Variants in SLC4A4 observed in about 807,000 individuals in gnomAD.
The protein encoded by SLC4A4 is electrogenic sodium bicarbonate cotransporter 1.
SLC4A4 carries 27 observed loss-of-function variants against 111.5 expected under a neutral mutation model. The ratio of observed to expected loss-of-function variants is 0.24; its 90% CI spans 0.18 to 0.33. SLC4A4 has a LOEUF of 0.33. SLC4A4 is among the 10% of genes least tolerant of loss of function. SLC4A4 has a pLI of 1.00. For missense variants in SLC4A4, 909 were observed against 1,315.5 expected, an observed-to-expected ratio of 0.69 and a Z score of 4.78; for synonymous variants, 443 against 463.4, an observed-to-expected ratio of 0.96 and a Z score of 0.57.
intron 1 of SLC4A4, among the ~76,000 whole-genome samples, chr4:71,088,685 A>T (rs1190940151): frequency 6.6e-6 from 1 of 151,990 alleles, no homozygotes; most frequent in Non-Finnish European, 1.5e-5. Context: ...GCTGGATATG[A>T]AATTCTGGGG....
At chr4:71,565,702 G>A (rs1030336375) in intron 24 of SLC4A4, among the ~76,000 whole-genome samples, 7 of 151,794 alleles carry the variant, frequency 4.6e-5, no homozygotes, top group Non-Finnish European at 1.0e-4. Context: ...CTAGAACAGA[G>A]CAGGTTTTGT....
chr4:71,466,722 T>G (rs1428463685), intron 13 of SLC4A4, 145 bp downstream of exon 13: 4 of 810,188 alleles, frequency 4.9e-6, no homozygotes, highest in Non-Finnish European at 8.0e-6. Context: ...TGAAAGGGCC[T>G]TAGCAATTAG....
At chr4:71,174,790 T>C (rs1455853840) in intron 2 of SLC4A4, among the ~76,000 whole-genome samples, 1 of 152,236 alleles carries the variant, frequency 6.6e-6, no homozygotes, top group Non-Finnish European at 1.5e-5. Flanking sequence ...TTGCCCAGGC[T>C]GGAGTGCAGT....
intron 7 of SLC4A4, among the ~76,000 whole-genome samples, chr4:71,403,297 GAATTCATTC>G (rs1232414158): frequency 6.6e-6 from 1 of 152,150 alleles, no homozygotes; most frequent in Non-Finnish European, 1.5e-5. Context: ...GCTATGATTT[GAATTCATTC>G]ATTCAAAATG....
At position 71,231,213 on chromosome 4, in the gene SLC4A4, T is replaced by C. The variant is rs369759662; in HGVS notation, c.-1-5363T>C. 5.3e-5 allele frequency among the ~76,000 whole-genome samples: 8 copies of C among 152,352 alleles called. No individual in the cohort carries two copies. The East Asian group carries it at 9.7e-4, about 18-fold the overall frequency. The stretch of plus-strand genomic sequence containing the variant: ...GGCTTGCATTCTGAAACTTGTGTGC[T>C]GGCGGCCTGCCACGTGCTGACTGGC... On this transcript the variant is annotated intron_variant, in intron 1 of 25. Transcript: ENST00000264485.
At position 71,509,875 on chromosome 4, in the gene SLC4A4, A is replaced by T. The variant is rs552530450; in HGVS notation, c.2166+12183A>T. Among the ~76,000 whole-genome samples the T allele has an allele frequency of 1.2e-4, 19 of 152,234 alleles. No individual in the cohort carries two copies. In the South Asian group the frequency reaches 3.9e-3, roughly 32 times the overall value. On this transcript the variant is annotated intron_variant, in intron 16 of 25. Coordinates refer to ENST00000264485, the MANE Select transcript of SLC4A4 (RefSeq NM_001098484.3). ...CACCTGGGGTTGTGGTGCTGCAGGC[A>T]CCTGTGTAAACATGGTGAAATGAGG...
chr4:71,272,263 C>A lies in SLC4A4; in HGVS notation c.253+16864C>A, dbSNP rs547451266. Among the ~76,000 whole-genome samples the A allele has an allele frequency of 3.9e-5, 6 of 152,184 alleles. No individual in the cohort carries two copies. In the South Asian group the frequency reaches 1.0e-3, roughly 26 times the overall value. Reference sequence around the variant, plus strand: ...TAGTGGTGCTGCTTGAGAGTGTTTCCCCAGAGTGTTAACTGTGGCTATGTG... The same window carrying A: ...TAGTGGTGCTGCTTGAGAGTGTTTCACCAGAGTGTTAACTGTGGCTATGTG... On this transcript the variant is annotated intron_variant, in intron 3 of 25. Transcript: ENST00000264485.
intron 7 of SLC4A4, among the ~76,000 whole-genome samples, chr4:71,408,219 A>G (rs554402050): frequency 1.3e-5 from 2 of 152,296 alleles, no homozygotes; most frequent in African/African-American, 4.8e-5. Context: ...AGAAACATCC[A>G]TCCAGGATCA....
intron 2 of SLC4A4, among the ~76,000 whole-genome samples, chr4:71,135,555 C>G (rs1743822468): frequency 6.6e-6 from 1 of 152,112 alleles, no homozygotes; most frequent in East Asian, 1.9e-4. Flanking sequence ...CTTGGCCTCC[C>G]AAAGTGCTGG....
intron 3 of SLC4A4, among the ~76,000 whole-genome samples, chr4:71,279,738 T>G (rs969388020): frequency 6.6e-6 from 1 of 152,220 alleles, no homozygotes; most frequent in Non-Finnish European, 1.5e-5. Context: ...ATATTCCTAT[T>G]AACAGTGTAT....
At chr4:71,155,565 C>T (rs1228859451) in intron 2 of SLC4A4, among the ~76,000 whole-genome samples, 4 of 152,088 alleles carry the variant, frequency 2.6e-5, no homozygotes, top group Non-Finnish European at 2.9e-5. Flanking sequence ...TGGGTTCAAG[C>T]GCTTCTCCCC....
intron 2 of SLC4A4, among the ~76,000 whole-genome samples, chr4:71,165,561 G>A (rs1243711810): frequency 6.6e-6 from 1 of 151,994 alleles, no homozygotes; most frequent in African/African-American, 2.4e-5. Context: ...CAGGGGGTGG[G>A]GGACTAGGGG....
chr4:71,332,988 T>A (rs1335970230), intron 3 of SLC4A4, among the ~76,000 whole-genome samples: 1 of 152,258 alleles, frequency 6.6e-6, no homozygotes, highest in Admixed American at 6.5e-5. Context: ...TGAAAGGTCA[T>A]ATGTCTCTGT....
At chr4:71,313,805 CTG>C (rs1726417968) in intron 3 of SLC4A4, among the ~76,000 whole-genome samples, 1 of 152,150 alleles carries the variant, frequency 6.6e-6, no homozygotes, top group Non-Finnish European at 1.5e-5. Flanking sequence ...AAACCTAAAA[CTG>C]TAAAAACCCC....
At chr4:71,115,916 C>T (rs564250706) in intron 2 of SLC4A4, among the ~76,000 whole-genome samples, 6 of 152,074 alleles carry the variant, frequency 3.9e-5, no homozygotes, top group South Asian at 2.1e-4. Flanking sequence ...TTTTTGGAGA[C>T]GGAGTTTCAC....
At chr4:71,170,809 T>C (rs573892318) in intron 2 of SLC4A4, among the ~76,000 whole-genome samples, 1 of 152,200 alleles carries the variant, frequency 6.6e-6, no homozygotes, top group South Asian at 2.1e-4. Flanking sequence ...GGAGGAGAGG[T>C]CTTTAGGGCT....
At chr4:71,361,493 G>A (rs1373845034) in intron 6 of SLC4A4, among the ~76,000 whole-genome samples, 1 of 152,220 alleles carries the variant, frequency 6.6e-6, no homozygotes, top group Non-Finnish European at 1.5e-5. Flanking sequence ...TGCCTGCCAG[G>A]TACTAAATTT....
At chr4:71,550,765 T>C (rs1210127656) in intron 20 of SLC4A4, among the ~76,000 whole-genome samples, 2 of 151,980 alleles carry the variant, frequency 1.3e-5, no homozygotes, top group Non-Finnish European at 2.9e-5. Flanking sequence ...TAATTTTCTT[T>C]CATGCATTAA....
intron 3 of SLC4A4, among the ~76,000 whole-genome samples, chr4:71,299,223 C>T (rs1725028784): frequency 6.6e-6 from 1 of 152,084 alleles, no homozygotes; most frequent in Non-Finnish European, 1.5e-5. Context: ...TTGTTTAGGC[C>T]ATAGGAAATA....
Sources: allele counts gnomAD v4.1 joint callset (sites outside exome capture counted in the v4.1 genomes callset), GRCh38; gene constraint gnomAD v4.1.1; transcripts MANE v1.5; gene names NCBI Gene and HGNC (gene_info 2026-07-23, HGNC 2026-07-21).